ACCSL: variants seen among roughly 807,000 people sequenced by gnomAD.
ACCSL encodes the protein probable inactive 1-aminocyclopropane-1-carboxylate synthase-like protein 2.
A neutral mutation model predicts 61.7 loss-of-function variants in ACCSL; 55 were observed. The ratio of observed to expected loss-of-function variants is 0.89; its 90% CI spans 0.72 to 1.12. The LOEUF is 1.12. Ranked by LOEUF, ACCSL falls within the 50% of genes most tolerant of loss-of-function variation. ACCSL has a pLI of 0.00. For synonymous variants in ACCSL, 258 were observed against 264.3 expected, an observed-to-expected ratio of 0.98 and a Z score of 0.23; for missense variants, 632 against 698.0, an observed-to-expected ratio of 0.91 and a Z score of 1.07.
chr11:43,987,790 CG>C, the ACCSL span, among the ~76,000 whole-genome samples: 5 of 152,078 alleles, frequency 3.3e-5, no homozygotes, highest in African/African-American at 7.2e-5. Flanking sequence ...ATCCAGCGCT[CG>C]GGGGGGTCAA....
At chr11:43,928,186 G>A in the ACCSL span, among the ~76,000 whole-genome samples, 1 of 152,248 alleles carries the variant, frequency 6.6e-6, no homozygotes, top group East Asian at 1.9e-4. Flanking sequence ...AGGAAGATGG[G>A]CCCACATCAG....
the ACCSL span, among the ~76,000 whole-genome samples, chr11:43,972,862 G>A: frequency 4.2e-3 from 642 of 152,344 alleles, 5 homozygotes; most frequent in Middle Eastern, 0.014. Context: ...TTTGAGAGAG[G>A]TTGGGTTTGA....
chr11:43,936,264 G>C, the ACCSL span, among the ~76,000 whole-genome samples: 134 of 152,310 alleles, frequency 8.8e-4, no homozygotes, highest in African/African-American at 3.1e-3. Flanking sequence ...TAAATTGTGA[G>C]TCAGGCAGGA....
upstream of ACCSL, among the ~76,000 whole-genome samples, chr11:44,043,733 A>C (rs1358119322): frequency 1.3e-5 from 2 of 152,122 alleles, no homozygotes; most frequent in Admixed American, 1.3e-4. Context: ...TCTTGTCTTC[A>C]TGCCTTATTC....
At chr11:43,943,570 C>T in the ACCSL span, 1 of 1,314,628 alleles carries the variant, frequency 7.6e-7, no homozygotes, top group South Asian at 1.2e-5. The surrounding 1 kb of genome is among the most constrained non-coding windows in gnomAD (Gnocchi z 4.8). Context: ...CGCGCCCGCG[C>T]TGAGTCGGCG....
chr11:43,993,280 C>T, the ACCSL span, among the ~76,000 whole-genome samples: 13 of 152,086 alleles, frequency 8.5e-5, no homozygotes, highest in African/African-American at 2.2e-4. Flanking sequence ...GGGGTAACTC[C>T]GTGCATCCCA....
At chr11:43,927,014 C>T in the ACCSL span, among the ~76,000 whole-genome samples, 4 of 152,264 alleles carry the variant, frequency 2.6e-5, no homozygotes, top group Non-Finnish European at 5.9e-5. Context: ...TCCCAGAGTG[C>T]TGGGACTACA....
intron 13 of ACCSL, among the ~76,000 whole-genome samples, chr11:44,059,196 T>G (rs2134779262): frequency 6.6e-6 from 1 of 152,188 alleles, no homozygotes; most frequent in East Asian, 1.9e-4. Flanking sequence ...GAGCTGAGAT[T>G]GCGCCACTGC....
the ACCSL span, among the ~76,000 whole-genome samples, chr11:43,949,425 A>G: frequency 1.3e-5 from 2 of 152,208 alleles, no homozygotes; most frequent in Non-Finnish European, 2.9e-5. Flanking sequence ...TTGGGACCCC[A>G]AAGTCACTAA....
chr11:43,950,422 A>G, the ACCSL span, among the ~76,000 whole-genome samples: 1 of 152,210 alleles, frequency 6.6e-6, no homozygotes. Context: ...ATAGACTCTC[A>G]TCCTTTCAGT....
the ACCSL span, among the ~76,000 whole-genome samples, chr11:44,013,658 T>TA: frequency 6.6e-6 from 1 of 152,180 alleles, no homozygotes. Context: ...GAAAATATAT[T>TA]ACGTATTTCA....
the ACCSL span, among the ~76,000 whole-genome samples, chr11:44,005,255 C>A: frequency 6.6e-6 from 1 of 151,742 alleles, no homozygotes; most frequent in East Asian, 2.0e-4. Flanking sequence ...CCATTCAGCA[C>A]CCCCTCCCCG....
At chr11:43,924,172 T>G in the ACCSL span, among the ~76,000 whole-genome samples, 11 of 152,254 alleles carry the variant, frequency 7.2e-5, no homozygotes, top group African/African-American at 2.7e-4. Context: ...AAAGAAATCC[T>G]ATGGCTGTTT....
chr11:43,933,052 G>A, the ACCSL span: 6 of 455,468 alleles, frequency 1.3e-5, no homozygotes, highest in African/African-American at 1.0e-4. Flanking sequence ...TTGCTTCTGC[G>A]TTTCTGGCTC....
the ACCSL span, among the ~76,000 whole-genome samples, chr11:43,934,668 C>A: frequency 2.0e-5 from 3 of 152,148 alleles, no homozygotes; most frequent in Non-Finnish European, 4.4e-5. Flanking sequence ...CTAGCTGGCA[C>A]CGGGTCTGAG....
the ACCSL span, among the ~76,000 whole-genome samples, chr11:44,004,548 C>T: frequency 6.6e-6 from 1 of 152,070 alleles, no homozygotes; most frequent in Non-Finnish European, 1.5e-5. Context: ...AGGGCATGTA[C>T]CTAGCTGTTT....
At chr11:44,024,938 CTTCT>C in the ACCSL span, among the ~76,000 whole-genome samples, 4 of 151,862 alleles carry the variant, frequency 2.6e-5, no homozygotes, top group Non-Finnish European at 4.4e-5. Context: ...TAAAAATGCC[CTTCT>C]TTGTTTCCAA....
At chr11:44,007,216 G>T in the ACCSL span, among the ~76,000 whole-genome samples, 3 of 152,132 alleles carry the variant, frequency 2.0e-5, no homozygotes, top group African/African-American at 7.2e-5. Flanking sequence ...GGGAGGCCCC[G>T]GGAATGTCAC....
At chr11:43,944,092 C>G in the ACCSL span, 1 of 349,688 alleles carries the variant, frequency 2.9e-6, no homozygotes, top group Admixed American at 4.0e-5. Context: ...GTCCAGTGTG[C>G]TCCTGCGTCC....
Sources: allele counts gnomAD v4.1 joint callset (sites outside exome capture counted in the v4.1 genomes callset), GRCh38; gene constraint gnomAD v4.1.1; non-coding constraint Gnocchi (gnomAD v3.1); transcripts MANE v1.5; gene names NCBI Gene and HGNC (gene_info 2026-07-23, HGNC 2026-07-21).